Variants in ETV1 observed in about 807,000 individuals in gnomAD.
The protein encoded by ETV1 is ETS translocation variant 1.
In ETV1, 27 loss-of-function variants were observed where a neutral mutation model predicts 62.3. The observed-to-expected ratio is 0.43, with a 90% CI of 0.32 to 0.60. The LOEUF (loss-of-function observed/expected upper bound fraction) is 0.60, where lower values mean the gene tolerates loss of function less well. Among genes scored for constraint, ETV1 ranks in the 20% least tolerant of loss-of-function variants. The pLI, the probability that ETV1 is intolerant of heterozygous loss-of-function variation, is 0.06. For synonymous variants in ETV1, 222 were observed against 199.6 expected (o/e 1.11, Z -0.94); for missense variants, 605 against 605.8 (o/e 1.00, Z 0.01).
intron 13 of ETV1, 98 bp downstream of exon 13, chr7:13,900,640 C>T: frequency 2.4e-6 from 2 of 821,636 alleles, no homozygotes; most frequent in South Asian, 4.0e-5. Context: ...GAGTGAAAAA[C>T]TCGCTTCAGC....
intron 10 of ETV1, among the ~76,000 whole-genome samples, chr7:13,909,913 T>C (rs949612119): frequency 1.3e-5 from 2 of 152,180 alleles, no homozygotes; most frequent in East Asian, 1.9e-4. Context: ...TGTTATAGGG[T>C]TGCTGTAGTT....
chr7:13,951,465 G>A (rs1218314746), intron 6 of ETV1, among the ~76,000 whole-genome samples: 2 of 152,120 alleles, frequency 1.3e-5, no homozygotes, highest in Admixed American at 6.5e-5. Context: ...TAGAGTTTCC[G>A]ATAGGACTAA....
intron 4 of ETV1, chr7:13,986,966 G>C: frequency 3.1e-6 from 1 of 318,914 alleles, no homozygotes; most frequent in East Asian, 7.5e-5. Context: ...TAAGCTCAGG[G>C]ATACCAGAAT....
intron 6 of ETV1, among the ~76,000 whole-genome samples, chr7:13,963,417 T>C (rs1044041359): frequency 6.6e-6 from 1 of 151,402 alleles, no homozygotes; most frequent in African/African-American, 2.4e-5. Context: ...AATATGAAAA[T>C]AAGAGCATAT....
chr7:13,900,244 G>T (rs1033090439), intron 13 of ETV1: 1 of 152,382 alleles, frequency 6.6e-6, no homozygotes, highest in Admixed American at 6.5e-5. Context: ...TTAATGAATG[G>T]TTTAGGATGT....
In ETV1 at chr7:13,891,412, G is replaced by A. The variant is rs1781377066; in HGVS notation, c.*4454C>T. On this transcript the variant is annotated 3_prime_UTR_variant, in exon 14 of 14. Transcript: ENST00000430479. The stretch of plus-strand genomic sequence containing the variant: ...TTTAGAATGAAAGTAACTAATACTG[G>A]AGTCTATATGCAAAAAAGACCCTAC... The A allele has an allele frequency of 4.3e-6, 1 of 231,342 alleles. No individual in the cohort carries two copies. Among genetic ancestry groups the A allele is most frequent in the Non-Finnish European group, 8.5e-6 (1 of 117,120 alleles). 14.3% of individuals were successfully genotyped at this position (231,342 alleles called of 1,614,324 possible).
At chr7:13,954,419 G>A (rs1300699372) in intron 6 of ETV1, among the ~76,000 whole-genome samples, 3 of 152,034 alleles carry the variant, frequency 2.0e-5, no homozygotes, top group African/African-American at 7.2e-5. Context: ...ACACCAAGAC[G>A]ACTAAAACTC....
At chr7:13,900,044 G>A (rs910891821) in intron 13 of ETV1, among the ~76,000 whole-genome samples, 2 of 152,320 alleles carry the variant, frequency 1.3e-5, no homozygotes, top group Non-Finnish European at 2.9e-5. Context: ...CAGGAGAACT[G>A]CTTGAACCTG....
chr7:13,913,771 AATCT>A (rs754758619), intron 9 of ETV1, among the ~76,000 whole-genome samples: 3 of 152,064 alleles, frequency 2.0e-5, no homozygotes, highest in Non-Finnish European at 4.4e-5. Flanking sequence ...ATTTTTCACA[AATCT>A]ATCTATTAAT....
At chr7:13,971,568 T>C (rs1437732252) in intron 6 of ETV1, among the ~76,000 whole-genome samples, 1 of 152,158 alleles carries the variant, frequency 6.6e-6, no homozygotes, top group Non-Finnish European at 1.5e-5. Context: ...TTACTGAGTG[T>C]AAGACAAAGC....
In ETV1 at chr7:13,945,160, G is replaced by A. The variant is rs188413716; in HGVS notation, c.236-5914C>T. ...CCACTCCCAGAAATTCCATTCATTA[G>A]AGCTGGGTTGTATCAGGATTCTGAA... On this transcript the variant is annotated intron_variant, in intron 6 of 13. Coordinates refer to ENST00000430479, the MANE Select transcript of ETV1 (RefSeq NM_004956.5). 3.5e-4 allele frequency among the ~76,000 whole-genome samples: 54 copies of A among 152,294 alleles called. 1 individual carries two copies. The highest frequency in any genetic ancestry group is 1.3e-3 in the African/African-American group (53 of 41,568).
chr7:13,942,049 A>C (rs1458375326), intron 6 of ETV1, among the ~76,000 whole-genome samples: 1 of 115,640 alleles, frequency 8.6e-6, no homozygotes, highest in Non-Finnish European at 1.6e-5. Context: ...TTTGAGACGG[A>C]GTCTCACTCT....
intron 9 of ETV1, among the ~76,000 whole-genome samples, chr7:13,919,575 C>CAA (rs1023534080): frequency 3.5e-5 from 5 of 141,180 alleles, no homozygotes; most frequent in African/African-American, 1.4e-4. Context: ...TACACACACA[C>CAA]ACACACACAC....
chr7:13,923,945 G>C (rs1260219090), intron 9 of ETV1, among the ~76,000 whole-genome samples: 2 of 152,040 alleles, frequency 1.3e-5, no homozygotes, highest in Non-Finnish European at 2.9e-5. Context: ...TGAGGCAGGA[G>C]AATCATTTGA....
At chr7:13,916,395 T>C (rs1251817160) in intron 9 of ETV1, among the ~76,000 whole-genome samples, 1 of 152,114 alleles carries the variant, frequency 6.6e-6, no homozygotes, top group African/African-American at 2.4e-5. Context: ...CCTAGCACTT[T>C]GGGAGGCCAA....
intron 8 of ETV1, among the ~76,000 whole-genome samples, chr7:13,935,448 G>A (rs1229389741): frequency 6.6e-6 from 1 of 152,122 alleles, no homozygotes; most frequent in Non-Finnish European, 1.5e-5. Context: ...AAGCGAAAGG[G>A]AAATGCTCAA....
chr7:13,988,600 A>AC, intron 3 of ETV1: 1 of 1,163,858 alleles, frequency 8.6e-7, no homozygotes, highest in Non-Finnish European at 1.1e-6. Context: ...GAAATGAAAA[A>AC]AAAAAAAAAG....
rs1781663412 is a variant in ETV1, at chr7:13,895,287, AT to A, written c.*578del. 4.3e-6 allele frequency: 1 copy of A among 233,852 alleles called. No homozygotes were observed. 14.5% of individuals were successfully genotyped at this position (233,852 alleles called of 1,614,324 possible). A position where few individuals can be genotyped will look rare whatever the true frequency, so the allele number is the denominator to read the frequency against. On this transcript the variant is annotated 3_prime_UTR_variant, in exon 14 of 14. Coordinates refer to ENST00000430479, the MANE Select transcript of ETV1 (RefSeq NM_004956.5). ...CTCTGCAAGTCATATATAAAGCAAA[AT>A]AAAACAACAAACAGCAAATGCAATC... is the stretch of plus-strand genomic sequence containing the variant.
In ETV1 at chr7:13,946,265, G is replaced by A. The variant is rs75916431; in HGVS notation, c.236-7019C>T. Among the ~76,000 whole-genome samples, 393 of 152,104 alleles carry A rather than the reference G, an allele frequency of 2.6e-3. 4 individuals carry two copies. In the East Asian group the frequency reaches 0.03, roughly 11 times the overall value. On this transcript the variant is annotated intron_variant, in intron 6 of 13. Coordinates refer to ENST00000430479, the MANE Select transcript of ETV1 (RefSeq NM_004956.5). Reference sequence around the variant, plus strand: ...AACTTTTATGATCCACAACTCCTCCGGACAATCAAATTTTTGGGAGGAAAG... The same window carrying A: ...AACTTTTATGATCCACAACTCCTCCAGACAATCAAATTTTTGGGAGGAAAG...
Sources: gnomAD v4.1 joint callset for allele counts (sites outside exome capture counted in the v4.1 genomes callset) on GRCh38, gnomAD v4.1.1 for gene constraint, MANE v1.5 for transcripts, NCBI Gene and HGNC (gene_info 2026-07-23, HGNC 2026-07-21) for gene names.